ZBTB16: variants seen among roughly 807,000 people sequenced by gnomAD.
The protein encoded by ZBTB16 is zinc finger and BTB domain containing 16, also known as zinc finger and BTB domain-containing protein 16.
A neutral mutation model predicts 56.8 loss-of-function variants in ZBTB16; 8 were observed. The observed-to-expected ratio is 0.14, with a 90% CI of 0.08 to 0.25. ZBTB16 has a LOEUF of 0.25. Among genes scored for constraint, ZBTB16 ranks in the 10% least tolerant of loss-of-function variants. The probability of loss-of-function intolerance (pLI) is 1.00; values close to 1 mark genes in which losing one functional copy is unlikely to be tolerated. For synonymous variants in ZBTB16, 363 were observed against 368.5 expected, an observed-to-expected ratio of 0.98 and a Z score of 0.17; for missense variants, 625 against 903.0, an observed-to-expected ratio of 0.69 and a Z score of 3.95.
At chr11:114,249,383 G>A (rs1286759652) in intron 6 of ZBTB16, among the ~76,000 whole-genome samples, 6 of 149,116 alleles carry the variant, frequency 4.0e-5, no homozygotes, top group Admixed American at 6.7e-5. Context: ...ACTTGAACCC[G>A]GGAGGCAGAG....
chr11:114,224,712 G>A (rs566951585), intron 4 of ZBTB16, among the ~76,000 whole-genome samples: 17 of 152,276 alleles, frequency 1.1e-4, no homozygotes, highest in South Asian at 4.1e-4. Flanking sequence ...CCCAATCCAC[G>A]ATGGAGATCG....
chr11:114,124,653 T>C (rs1422913539), intron 2 of ZBTB16, among the ~76,000 whole-genome samples: 1 of 151,558 alleles, frequency 6.6e-6, no homozygotes, highest in African/African-American at 2.4e-5. Flanking sequence ...TTTCGGCCAC[T>C]GGCAAATCAG....
chr11:114,146,017 T>C (rs888970802), intron 2 of ZBTB16, among the ~76,000 whole-genome samples: 2 of 152,216 alleles, frequency 1.3e-5, no homozygotes, highest in Non-Finnish European at 2.9e-5. Context: ...AAAATTGCGT[T>C]GATGGACAAC....
At chr11:114,154,116 G>C (rs1942343955) in intron 2 of ZBTB16, among the ~76,000 whole-genome samples, 1 of 152,232 alleles carries the variant, frequency 6.6e-6, no homozygotes, top group African/African-American at 2.4e-5. Flanking sequence ...GTTTATCATG[G>C]TGAGGGATTT....
At chr11:114,092,994 ACACAC>A (rs571021985) in intron 2 of ZBTB16, among the ~76,000 whole-genome samples, 82 of 152,288 alleles carry the variant, frequency 5.4e-4, no homozygotes, top group Non-Finnish European at 9.1e-4. Context: ...GAAAACACAC[ACACAC>A]CACACCACAC....
At chr11:114,088,019 A>G (rs1165936975) in intron 2 of ZBTB16, among the ~76,000 whole-genome samples, 1 of 152,080 alleles carries the variant, frequency 6.6e-6, no homozygotes, top group East Asian at 1.9e-4. Flanking sequence ...TTCAGTGTAA[A>G]TGCCCTCTCC....
intron 2 of ZBTB16, among the ~76,000 whole-genome samples, chr11:114,085,942 G>A (rs1247163668): frequency 6.6e-6 from 1 of 152,200 alleles, no homozygotes; most frequent in Non-Finnish European, 1.5e-5. Flanking sequence ...TGGGGAGGGT[G>A]TGAGACCATG....
At chr11:114,125,609 AAGG>A (rs573473009) in intron 2 of ZBTB16, among the ~76,000 whole-genome samples, 2 of 151,566 alleles carry the variant, frequency 1.3e-5, no homozygotes, top group South Asian at 4.2e-4. Context: ...TTGCCTTCAC[AAGG>A]AGGAGATGGT....
intron 4 of ZBTB16, among the ~76,000 whole-genome samples, chr11:114,204,885 C>T (rs1943821028): frequency 6.6e-6 from 1 of 152,136 alleles, no homozygotes; most frequent in African/African-American, 2.4e-5. Context: ...GGTCACTCGC[C>T]CTGAGCTGGA....
chr11:114,063,171 C>T lies in ZBTB16; in HGVS notation c.-90-40C>T, dbSNP rs1938950703. On this transcript the variant is annotated intron_variant, in intron 1 of 6. Coordinates refer to ENST00000335953, the MANE Select transcript of ZBTB16 (RefSeq NM_006006.6). The surrounding 1 kb of genome is among the most constrained non-coding windows in gnomAD (Gnocchi z 6.5). ...GACACTGATGAATTTGTCTTTTGTT[C>T]TCTCATCTCTTTTGCTTCTTCCCCT... 1.1e-5 allele frequency: 11 copies of T among 1,014,724 alleles called. No individual in the cohort carries two copies. The highest frequency in any genetic ancestry group is 1.5e-5 in the Non-Finnish European group (10 of 681,924). 62.9% of individuals were successfully genotyped at this position (1,014,724 alleles called of 1,614,324 possible).
chr11:114,063,672 C>T lies in ZBTB16; in HGVS notation c.372C>T (p.Thr124=). Residue 124 remains threonine, a synonymous_variant, in exon 2 of 7, where the codon ACC becomes ACT. Coordinates refer to ENST00000335953, the MANE Select transcript of ZBTB16 (RefSeq NM_006006.6). This position sits in a 1 kb window ranked among gnomAD's most constrained non-coding sequence, Gnocchi z 6.5. ...AACAGTGCCTGAAGATGCTGGAGAC[C>T]ATCCAGGCCTCAGACGACAATGACA... ...LEEQCLKMLE[T]IQASDDNDTE... is the part of the protein sequence containing the mutation. 1 of 1,614,064 alleles carries T rather than the reference C, an allele frequency of 6.2e-7. No homozygotes were observed. Among genetic ancestry groups the T allele is most frequent in the Non-Finnish European group, 8.5e-7 (1 of 1,180,026 alleles).
rs1297747622 is a variant in ZBTB16 at position 114,063,016 on chromosome 11, C to A, written c.-90-195C>A. On this transcript the variant is annotated intron_variant, in intron 1 of 6. Transcript: ENST00000335953. This position sits in a 1 kb window ranked among gnomAD's most constrained non-coding sequence, Gnocchi z 6.5. ...GAACCTTCTTTTTACTCTCAGCATC[C>A]CTGGCTTGAAAGGCAGATTTGTAGA... 6.6e-6 allele frequency among the ~76,000 whole-genome samples: 1 copy of A among 152,240 alleles called. No homozygotes were observed. Among genetic ancestry groups the A allele is most frequent in the East Asian group, 1.9e-4 (1 of 5,182 alleles).
At chr11:114,114,805 G>A (rs1427535645) in intron 2 of ZBTB16, among the ~76,000 whole-genome samples, 1 of 151,642 alleles carries the variant, frequency 6.6e-6, no homozygotes, top group East Asian at 1.9e-4. Context: ...TCAGCCTCCC[G>A]AGTAGCTGGG....
At chr11:114,148,437 T>TCCC (rs1565651872) in intron 2 of ZBTB16, among the ~76,000 whole-genome samples, 4 of 53,852 alleles carry the variant, frequency 7.4e-5, no homozygotes, top group African/African-American at 1.3e-4. Context: ...CTCTCTCTCT[T>TCCC]TCTCTCTCTC....
At chr11:114,184,804 A>G (rs1943326099) in intron 3 of ZBTB16, among the ~76,000 whole-genome samples, 1 of 152,294 alleles carries the variant, frequency 6.6e-6, no homozygotes, top group African/African-American at 2.4e-5. Context: ...ACTGTGGGCT[A>G]CAAATTTGTG....
chr11:114,209,412 A>G (rs970015490), intron 4 of ZBTB16: 1 of 985,230 alleles, frequency 1.0e-6, no homozygotes, highest in Non-Finnish European at 1.2e-6. Flanking sequence ...AAGGATATAA[A>G]AGGGCAAAAA....
Position 114,059,904 on chromosome 11 carries a change from GGCGCACCGCCCA to G in ZBTB16, c.-91+26_-91+37del. 1 of 397,222 alleles carries G rather than the reference GGCGCACCGCCCA, an allele frequency of 2.5e-6. No individual in the cohort carries two copies. Among genetic ancestry groups the G allele is most frequent in the Non-Finnish European group, 4.4e-6 (1 of 225,288 alleles). 24.6% of individuals were successfully genotyped at this position (397,222 alleles called of 1,614,324 possible). A position where few individuals can be genotyped will look rare whatever the true frequency, so the allele number is the denominator to read the frequency against. On this transcript the variant is annotated intron_variant, in intron 1 of 6. Coordinates refer to ENST00000335953, the MANE Select transcript of ZBTB16 (RefSeq NM_006006.6). The surrounding 1 kb of genome is among the most constrained non-coding windows in gnomAD (Gnocchi z 5.3). The stretch of plus-strand genomic sequence containing the variant: ...TGCGGTGAGTGAGGGGCCGGGAAGA[GGCGCACCGCCCA>G]GCGAGCGCCGCGCGCCGGGGCTTCC...
intron 2 of ZBTB16, among the ~76,000 whole-genome samples, chr11:114,102,755 T>A (rs1208786660): frequency 1.3e-5 from 2 of 152,134 alleles, no homozygotes; most frequent in Admixed American, 6.5e-5. Context: ...CCTGGAGAAT[T>A]TTATAGGCAG....
At chr11:114,230,066 G>T (rs180954324) in intron 4 of ZBTB16, among the ~76,000 whole-genome samples, 1 of 152,116 alleles carries the variant, frequency 6.6e-6, no homozygotes, top group Admixed American at 6.6e-5. Flanking sequence ...CCGCCCTCTC[G>T]GTTGAAGCCC....
Sources: gnomAD v4.1 joint callset for allele counts (sites outside exome capture counted in the v4.1 genomes callset) on GRCh38, gnomAD v4.1.1 for gene constraint, Gnocchi (gnomAD v3.1) non-coding constraint, MANE v1.5 for transcripts, NCBI Gene and HGNC (gene_info 2026-07-23, HGNC 2026-07-21) for gene names.